The following CYB5R4 variants were observed in gnomAD, a reference collection of about 807,000 sequenced individuals.
CYB5R4 encodes N-terminal cytochrome b5 and cytochrome b5 oxidoreductase domain-containing protein.
CYB5R4 carries 55 observed loss-of-function variants against 70.2 expected under a neutral mutation model. The ratio of observed to expected loss-of-function variants is 0.78; its 90% CI spans 0.63 to 0.98. The LOEUF is 0.98. Ranked by LOEUF, CYB5R4 falls within the 50% of genes least tolerant of loss-of-function variation. CYB5R4 has a pLI of 0.00. For synonymous variants in CYB5R4, 197 were observed against 199.5 expected, an observed-to-expected ratio of 0.99 and a Z score of 0.11; for missense variants, 562 against 612.6, an observed-to-expected ratio of 0.92 and a Z score of 0.87.
chr6:83,892,080 A>G (rs2099461203), intron 2 of CYB5R4, among the ~76,000 whole-genome samples: 1 of 152,178 alleles, frequency 6.6e-6, no homozygotes, highest in Non-Finnish European at 1.5e-5. Flanking sequence ...TTGGAGCATT[A>G]AACAATGGGA....
chr6:83,936,367 C>T lies in CYB5R4; in HGVS notation c.1099C>T (p.Leu367Phe). Residue 367 changes from leucine (L) to phenylalanine (F), a missense_variant, in exon 12 of 16, where the codon CTT becomes TTT. By Grantham distance (22) the Leu-to-Phe change is conservative (BLOSUM62 0). Transcript: ENST00000369681. Reference protein sequence around the residue: ...TGLFTPELDRLQIGDFVSVSS... With the variant: ...TGLFTPELDRFQIGDFVSVSS... ...ACTCTTCACACCAGAGCTTGATCGTCTTCAGATTGGTTAGTATTTTTACAT... is the reference window on the plus strand; with the variant it reads ...ACTCTTCACACCAGAGCTTGATCGTTTTCAGATTGGTTAGTATTTTTACAT... 1 of 1,611,160 alleles carries T rather than the reference C, an allele frequency of 6.2e-7. No individual in the cohort carries two copies. Among genetic ancestry groups the T allele is most frequent in the Non-Finnish European group, 8.5e-7 (1 of 1,179,158 alleles).
intron 3 of CYB5R4, among the ~76,000 whole-genome samples, chr6:83,904,400 A>C (rs1323212835): frequency 6.6e-6 from 1 of 152,208 alleles, no homozygotes; most frequent in Non-Finnish European, 1.5e-5. Flanking sequence ...AAATATACTC[A>C]AGAGGATTTC....
At chr6:83,931,811 T>TA (rs1371766230) in intron 10 of CYB5R4, among the ~76,000 whole-genome samples, 1 of 150,328 alleles carries the variant, frequency 6.7e-6, no homozygotes, top group Admixed American at 6.6e-5. Flanking sequence ...ATATTTTTTT[T>TA]TTATTATACT....
In CYB5R4 at chr6:83,931,994, C is replaced by T. The variant is rs1018507157; in HGVS notation, c.815-2601C>T. Among the ~76,000 whole-genome samples the T allele has an allele frequency of 7.6e-5, 11 of 145,468 alleles. No individual in the cohort carries two copies. The Admixed American group carries it at 7.6e-4, about 10-fold the overall frequency. ...GGCCCTAGTGTGTGATGTTCCCCTT[C>T]CTGTGTCCAAGTGTTCTCATTGTTC... On this transcript the variant is annotated intron_variant, in intron 10 of 15. Coordinates refer to ENST00000369681, the MANE Select transcript of CYB5R4 (RefSeq NM_016230.4).
intron 2 of CYB5R4, among the ~76,000 whole-genome samples, chr6:83,880,056 G>A (rs2099459215): frequency 6.6e-6 from 1 of 152,172 alleles, no homozygotes; most frequent in Non-Finnish European, 1.5e-5. Flanking sequence ...TGTTAAGGGT[G>A]AGAGCAGTGT....
At chr6:83,893,332 G>A (rs530430245) in intron 2 of CYB5R4, among the ~76,000 whole-genome samples, 190 bp from the exon 3 acceptor site, 1 of 152,152 alleles carries the variant, frequency 6.6e-6, no homozygotes, top group African/African-American at 2.4e-5. Flanking sequence ...CATGAAAGTG[G>A]CAGGTTAAGT....
Position 83,924,394 on chromosome 6 carries a change from T to C in CYB5R4, c.692-76T>C, listed in dbSNP as rs1267717539. On this transcript the variant is annotated intron_variant, in intron 9 of 15. Transcript: ENST00000369681. The stretch of plus-strand genomic sequence containing the variant: ...TATTAGATCAGGACACTTGTACTAT[T>C]TGAGAAATACTGGTTTTAAAATAAA... 6 of 1,470,692 alleles carry C rather than the reference T, an allele frequency of 4.1e-6. No individual in the cohort carries two copies. The African/African-American group carries it at 5.6e-5, about 14-fold the overall frequency. The allele number at this position is 1,470,692 out of a possible 1,614,324, so 91.1% of individuals were successfully genotyped here. A position where few individuals can be genotyped will look rare whatever the true frequency, so the allele number is the denominator to read the frequency against.
chr6:83,915,205 G>A (rs1301059668), intron 5 of CYB5R4, among the ~76,000 whole-genome samples: 1 of 152,104 alleles, frequency 6.6e-6, no homozygotes, highest in Non-Finnish European at 1.5e-5. Flanking sequence ...TGGCATGGTG[G>A]TCACTACTGA....
At position 83,959,814 on chromosome 6, in the gene CYB5R4, T is replaced by G. The variant is rs781491627; in HGVS notation, c.1512-10T>G. On this transcript the variant is annotated splice_polypyrimidine_tract_variant and intron_variant, in intron 15 of 15. Transcript: ENST00000369681. The stretch of plus-strand genomic sequence containing the variant: ...CCCTAAGAAACATGTGCTTTTTATT[T>G]GTTTTTCAGGTTGCTGCATGATCTC... The G allele has an allele frequency of 6.3e-7, 1 of 1,595,200 alleles. No individual in the cohort carries two copies. The highest frequency in any genetic ancestry group is 1.3e-5 in the African/African-American group (1 of 74,608).
intron 2 of CYB5R4, among the ~76,000 whole-genome samples, chr6:83,878,351 A>T (rs1345409177): frequency 7.1e-6 from 1 of 140,594 alleles, no homozygotes. Flanking sequence ...TGTGTTTTGT[A>T]AATTTTTTTT....
At chr6:83,880,488 AT>A (rs933057931) in intron 2 of CYB5R4, among the ~76,000 whole-genome samples, 8 of 148,600 alleles carry the variant, frequency 5.4e-5, no homozygotes, top group African/African-American at 4.9e-5. Context: ...AGGGAAACTG[AT>A]TTTTTTTTTT....
chr6:83,942,146 A>G (rs185563975), intron 14 of CYB5R4, among the ~76,000 whole-genome samples: 3 of 152,268 alleles, frequency 2.0e-5, no homozygotes, highest in Admixed American at 2.0e-4. Flanking sequence ...TTTGTAAGTA[A>G]ATGTTTAAAA....
At chr6:83,871,669 A>G (rs2099457663) in intron 2 of CYB5R4, among the ~76,000 whole-genome samples, 1 of 152,140 alleles carries the variant, frequency 6.6e-6, no homozygotes, top group South Asian at 2.1e-4. Context: ...ATTTTAAAAA[A>G]GGATATAGGG....
intron 1 of CYB5R4, 95 bp downstream of exon 1, chr6:83,859,952 CCT>C: frequency 8.5e-7 from 1 of 1,180,676 alleles, no homozygotes. Context: ...CTCCTGCACC[CCT>C]CTCTAAGCTG....
chr6:83,911,471 C>G (rs184512973), intron 4 of CYB5R4, among the ~76,000 whole-genome samples: 319 of 152,142 alleles, frequency 2.1e-3, no homozygotes, highest in African/African-American at 7.1e-3. Flanking sequence ...GAGCTCTTAT[C>G]TGATGGTGAC....
intron 11 of CYB5R4, among the ~76,000 whole-genome samples, chr6:83,935,977 A>G (rs2099468860): frequency 1.3e-5 from 2 of 152,138 alleles, no homozygotes; most frequent in Admixed American, 1.3e-4. Context: ...CTATTAAATT[A>G]GACTATACAT....
chr6:83,930,323 A>G (rs1039749027), intron 10 of CYB5R4, among the ~76,000 whole-genome samples: 2 of 152,198 alleles, frequency 1.3e-5, no homozygotes, highest in African/African-American at 2.4e-5. Context: ...TATTCACAGT[A>G]GAACTGCTTT....
chr6:83,900,860 T>C (rs905520853), intron 3 of CYB5R4, among the ~76,000 whole-genome samples: 4 of 152,196 alleles, frequency 2.6e-5, no homozygotes, highest in Non-Finnish European at 4.4e-5. Context: ...TCTATGTGTG[T>C]CTCTGCACGT....
At chr6:83,900,200 A>G (rs1395205762) in intron 3 of CYB5R4, among the ~76,000 whole-genome samples, 2 of 152,078 alleles carry the variant, frequency 1.3e-5, no homozygotes, top group Non-Finnish European at 2.9e-5. Context: ...GAACATCTTT[A>G]TTTCTGCCTT....
Sources: gnomAD v4.1 joint callset for allele counts (sites outside exome capture counted in the v4.1 genomes callset) on GRCh38, gnomAD v4.1.1 for gene constraint, MANE v1.5 for transcripts, NCBI Gene and HGNC (gene_info 2026-07-23, HGNC 2026-07-21) for gene names.